The following MIPEP variants were observed in gnomAD, a reference collection of about 807,000 sequenced individuals.
MIPEP encodes mitochondrial intermediate peptidase.
A neutral mutation model predicts 90.3 loss-of-function variants in MIPEP; 79 were observed. The ratio of observed to expected loss-of-function variants is 0.87; its 90% CI spans 0.73 to 1.05. MIPEP has a LOEUF of 1.05. Among genes scored for constraint, MIPEP ranks in the 50% least tolerant of loss-of-function variants. The probability of loss-of-function intolerance (pLI) is 0.00; values close to 1 mark genes in which losing one functional copy is unlikely to be tolerated. For missense variants in MIPEP, 940 were observed against 905.6 expected, an observed-to-expected ratio of 1.04 and a Z score of -0.49; for synonymous variants, 334 against 315.8, an observed-to-expected ratio of 1.06 and a Z score of -0.61.
chr13:23,888,767 C>A, intron 1 of MIPEP: 1 of 1,044,548 alleles, frequency 9.6e-7, no homozygotes, highest in Non-Finnish European at 1.2e-6. Flanking sequence ...TAAGGCAGGA[C>A]TGTAGCGCTG....
chr13:23,806,165 T>C (rs1953104726), intron 15 of MIPEP, 96 bp from the exon 16 acceptor site: 1 of 1,259,856 alleles, frequency 7.9e-7, no homozygotes, highest in African/African-American at 1.5e-5. Context: ...GAACAACAGT[T>C]ACCAATCACA....
chr13:23,737,863 T>G (rs1952282196), intron 18 of MIPEP, among the ~76,000 whole-genome samples: 1 of 152,202 alleles, frequency 6.6e-6, no homozygotes. Flanking sequence ...TACAGGGGAT[T>G]ACCAGGCAAT....
At chr13:23,878,184 T>A (rs1871144788) in intron 4 of MIPEP, among the ~76,000 whole-genome samples, 1 of 152,192 alleles carries the variant, frequency 6.6e-6, no homozygotes, top group African/African-American at 2.4e-5. Flanking sequence ...CTGGCACAAT[T>A]AATAGGCATT....
chr13:23,878,231 C>G (rs528166865), intron 4 of MIPEP, among the ~76,000 whole-genome samples: 1 of 152,302 alleles, frequency 6.6e-6, no homozygotes, highest in South Asian at 2.1e-4. Flanking sequence ...AGCAATATAA[C>G]GATAAAGCTT....
intron 4 of MIPEP, among the ~76,000 whole-genome samples, chr13:23,875,768 A>C (rs1871045533): frequency 1.3e-5 from 2 of 152,142 alleles, no homozygotes; most frequent in African/African-American, 4.8e-5. Flanking sequence ...AAACATTTAA[A>C]ATCACTAATC....
intron 16 of MIPEP, among the ~76,000 whole-genome samples, chr13:23,793,376 A>C (rs1245789881): frequency 6.6e-6 from 1 of 152,198 alleles, no homozygotes; most frequent in Non-Finnish European, 1.5e-5. Context: ...AAACAGGCAA[A>C]ACTAGTGGTT....
At chr13:23,800,743 C>T (rs1004460660) in intron 16 of MIPEP, among the ~76,000 whole-genome samples, 2 of 152,152 alleles carry the variant, frequency 1.3e-5, no homozygotes, top group African/African-American at 2.4e-5. Context: ...CATGTAAATG[C>T]AATTTTCCAA....
chr13:23,854,056 T>C (rs1458553956), intron 10 of MIPEP, among the ~76,000 whole-genome samples: 1 of 150,786 alleles, frequency 6.6e-6, no homozygotes, highest in Non-Finnish European at 1.5e-5. Flanking sequence ...CCAGGCGCGG[T>C]GGCTCACGCC....
At chr13:23,841,229 ACACT>A (rs1869280598) in intron 11 of MIPEP, 102 bp downstream of exon 11, 2 of 926,448 alleles carry the variant, frequency 2.2e-6, no homozygotes, top group Admixed American at 3.0e-5. Flanking sequence ...GGCAGGGGAC[ACACT>A]CAGTCAGGGC....
chr13:23,889,297 G>T lies in MIPEP; in HGVS notation c.24C>A (p.Gly8=). 1.5e-6 allele frequency: 2 copies of T among 1,355,396 alleles called. No homozygotes were observed. The highest frequency in any genetic ancestry group is 1.9e-6 in the Non-Finnish European group (2 of 1,051,700). The allele number at this position is 1,355,396 out of a possible 1,614,324, so 84.0% of individuals were successfully genotyped here. Residue 8 remains glycine, a synonymous_variant, in exon 1 of 19, where the codon GGC becomes GGA. Coordinates refer to ENST00000382172, the MANE Select transcript of MIPEP (RefSeq NM_005932.4). MLCVGRL[G]GLGARAAALP... ...GAGCTGCTGCTCTGGCTCCCAAGCC[G>T]CCCAGCCTTCCGACGCACAGCATTC...
chr13:23,866,672 C>T (rs1164354740), intron 7 of MIPEP, among the ~76,000 whole-genome samples: 1 of 152,178 alleles, frequency 6.6e-6, no homozygotes, highest in Non-Finnish European at 1.5e-5. Context: ...CATGCCTGGC[C>T]TCTTAAACTT....
chr13:23,869,360 A>G lies in MIPEP; in HGVS notation c.875T>C (p.Leu292Pro). The G allele has an allele frequency of 6.2e-7, 1 of 1,613,724 alleles. No homozygotes were observed. Among genetic ancestry groups the G allele is most frequent in the Non-Finnish European group, 8.5e-7 (1 of 1,179,930 alleles). The change falls in exon 7 of 19, where the codon CTG becomes CCG. Residue 292 changes from leucine (L) to proline (P), a missense_variant. Transcript: ENST00000382172. The part of the protein sequence containing the change: ...LEELLSSRDL[L>P]AKLVGYSTFS... ...CGTGGAATACCCCACCAACTTTGCCAGAAGATCTCTGCTGCTGAGCAATTC... is the reference window on the plus strand; with the variant it reads ...CGTGGAATACCCCACCAACTTTGCCGGAAGATCTCTGCTGCTGAGCAATTC...
At chr13:23,875,719 T>C (rs1593205839) in intron 4 of MIPEP, among the ~76,000 whole-genome samples, 2 of 152,306 alleles carry the variant, frequency 1.3e-5, no homozygotes, top group South Asian at 4.1e-4. Context: ...TTACACAATA[T>C]AGGTCTATTA....
intron 16 of MIPEP, among the ~76,000 whole-genome samples, chr13:23,789,569 C>T (rs1952880383): frequency 6.6e-6 from 1 of 152,228 alleles, no homozygotes; most frequent in African/African-American, 2.4e-5. Context: ...GAAAGCTACG[C>T]AAAGCTTCTT....
rs771028079 is a variant in MIPEP at position 23,730,443 on chromosome 13, T to C, written c.2047A>G (p.Met683Val). ...GREPMLMVEG[M>V]LQKCPSVDDF... ...TCAACAGAAGGACACTTCTGAAGCA[T>C]ACCTGCAAACAAAGGAAAGGTCAGA... Residue 683 changes from methionine to valine, a missense_variant and splice_region_variant, in exon 19 of 19, where the codon ATG becomes GTG. Coordinates refer to ENST00000382172, the MANE Select transcript of MIPEP (RefSeq NM_005932.4). 4 of 1,608,152 alleles carry C rather than the reference T, an allele frequency of 2.5e-6. No homozygotes were observed. Among genetic ancestry groups the C allele is most frequent in the African/African-American group, 1.3e-5 (1 of 74,766 alleles).
At chr13:23,874,968 T>A (rs1399249941) in intron 4 of MIPEP, 59 bp from the exon 5 acceptor site, 1 of 1,471,670 alleles carries the variant, frequency 6.8e-7, no homozygotes, top group Non-Finnish European at 9.2e-7. Context: ...ACAAAAAAAT[T>A]GTGGTTTTTT....
intron 18 of MIPEP, among the ~76,000 whole-genome samples, chr13:23,749,658 A>C (rs966930835): frequency 6.6e-6 from 1 of 152,126 alleles, no homozygotes; most frequent in African/African-American, 2.4e-5. Context: ...CGAATTGCAT[A>C]AGGGCTTCTT....
chr13:23,767,471 A>G (rs1555232116), intron 16 of MIPEP, among the ~76,000 whole-genome samples: 1 of 135,824 alleles, frequency 7.4e-6, no homozygotes, highest in African/African-American at 2.6e-5. Context: ...TTTTTTTTTG[A>G]GACGAAGTCT....
intron 16 of MIPEP, among the ~76,000 whole-genome samples, chr13:23,802,961 T>A (rs9553069): frequency 6.6e-6 from 1 of 152,154 alleles, no homozygotes; most frequent in African/African-American, 2.4e-5. Flanking sequence ...GTATTAAATG[T>A]ATTTTTGACT....
Sources: allele counts gnomAD v4.1 joint callset (sites outside exome capture counted in the v4.1 genomes callset), GRCh38; gene constraint gnomAD v4.1.1; transcripts MANE v1.5; gene names NCBI Gene and HGNC (gene_info 2026-07-23, HGNC 2026-07-21).